The following GNG7 variants were observed in gnomAD, a reference collection of about 807,000 sequenced individuals.
The protein encoded by GNG7 is G protein subunit gamma 7.
A neutral mutation model predicts 4.0 loss-of-function variants in GNG7; 1 was observed. That is an observed-to-expected ratio of 0.25 (90% CI 0.09 to 1.18). GNG7 has a LOEUF of 1.18. Ranked by LOEUF, GNG7 falls within the 50% of genes most tolerant of loss-of-function variation. GNG7 has a pLI of 0.50. For missense variants in GNG7, 86 were observed against 91.9 expected (o/e 0.94, Z 0.26); for synonymous variants, 34 against 36.9 (o/e 0.92, Z 0.29).
Position 2,511,726 on chromosome 19 carries a change from A to G in GNG7, c.*3296T>C, listed in dbSNP as rs1451367496. ...CTCGGACACGGTGGCCGGCCCGTCA[A>G]AGGGACCACGCAGAAGGAGGGAAAC... On this transcript the variant is annotated 3_prime_UTR_variant, in exon 5 of 5. Coordinates refer to ENST00000382159, the MANE Select transcript of GNG7 (RefSeq NM_052847.3). The surrounding 1 kb of genome is among the most constrained non-coding windows in gnomAD (Gnocchi z 6.3). 1 of 883,464 alleles carries G rather than the reference A, an allele frequency of 1.1e-6. No homozygotes were observed. Among genetic ancestry groups the G allele is most frequent in the East Asian group, 1.2e-4 (1 of 8,310 alleles). The allele number at this position is 883,464 out of a possible 1,614,324, so 54.7% of individuals were successfully genotyped here. A position where few individuals can be genotyped will look rare whatever the true frequency, so the allele number is the denominator to read the frequency against.
At chr19:2,659,546 C>T (rs1233558489) in intron 1 of GNG7, among the ~76,000 whole-genome samples, 9 of 133,462 alleles carry the variant, frequency 6.7e-5, no homozygotes, top group South Asian at 5.0e-4. Context: ...GCTGAGATCA[C>T]GCCACTACAC....
intron 2 of GNG7, among the ~76,000 whole-genome samples, chr19:2,637,971 G>T (rs1982361265): frequency 6.6e-6 from 1 of 152,204 alleles, no homozygotes; most frequent in Non-Finnish European, 1.5e-5. Context: ...GGAGAGAGGA[G>T]ATGAATCCCA....
At chr19:2,682,742 T>C (rs1761182383) in intron 1 of GNG7, among the ~76,000 whole-genome samples, 1 of 146,702 alleles carries the variant, frequency 6.8e-6, no homozygotes, top group African/African-American at 2.5e-5. Flanking sequence ...CGGTGAAGTC[T>C]CCCACTCCAC....
chr19:2,524,175 C>T (rs1257907987), intron 3 of GNG7, among the ~76,000 whole-genome samples: 1 of 151,532 alleles, frequency 6.6e-6, no homozygotes, highest in African/African-American at 2.5e-5. Context: ...CCCTGGGCCC[C>T]TGCTGCCCTG....
At chr19:2,644,571 C>G (rs1297968562) in intron 2 of GNG7, among the ~76,000 whole-genome samples, 1 of 151,968 alleles carries the variant, frequency 6.6e-6, no homozygotes, top group Non-Finnish European at 1.5e-5. Context: ...ACCATCACCA[C>G]TAATTCCAGA....
At chr19:2,545,418 C>T (rs1042933110) in intron 3 of GNG7, among the ~76,000 whole-genome samples, 12 of 151,754 alleles carry the variant, frequency 7.9e-5, no homozygotes, top group African/African-American at 1.7e-4. Context: ...GAGACCGAGG[C>T]GGGCGGATCA....
At chr19:2,612,349 A>G (rs1981594378) in intron 2 of GNG7, among the ~76,000 whole-genome samples, 2 of 152,042 alleles carry the variant, frequency 1.3e-5, no homozygotes, top group Non-Finnish European at 2.9e-5. Context: ...GTCCCCAAAC[A>G]TCGCCCAGTG....
intron 1 of GNG7, among the ~76,000 whole-genome samples, chr19:2,688,069 G>A (rs984887217): frequency 1.3e-5 from 2 of 151,960 alleles, no homozygotes; most frequent in Admixed American, 6.6e-5. Flanking sequence ...TGGCTAACAC[G>A]GTGAAACCCC....
chr19:2,651,298 CTACCT>C lies in GNG7; in HGVS notation c.-134-5023_-134-5019del, dbSNP rs1332064855. Among the ~76,000 whole-genome samples the C allele has an allele frequency of 9.5e-4, 81 of 85,458 alleles. 1 individual carries two copies. Among genetic ancestry groups the C allele is most frequent in the African/African-American group, 4.1e-3 (76 of 18,470 alleles). The allele number at this position is 85,458 out of a possible 152,430, so 56.1% of individuals were successfully genotyped here. The stretch of plus-strand genomic sequence containing the variant: ...CCTCCCTCCCTCCATCCCTCCCTCC[CTACCT>C]TCCCTCCATCCCTCCCTCCCTCCCT... On this transcript the variant is annotated intron_variant, in intron 1 of 4. Transcript: ENST00000382159.
At chr19:2,625,023 C>A (rs1287158849) in intron 2 of GNG7, among the ~76,000 whole-genome samples, 1 of 152,218 alleles carries the variant, frequency 6.6e-6, no homozygotes, top group East Asian at 1.9e-4. Context: ...TCCCTGGGGG[C>A]TCGGGCCCTG....
chr19:2,594,449 G>GGAAGGAA (rs1348629276), intron 2 of GNG7, among the ~76,000 whole-genome samples: 6 of 119,976 alleles, frequency 5.0e-5, no homozygotes, highest in Non-Finnish European at 8.6e-5. Context: ...GAAGGAAGGA[G>GGAAGGAA]GAAGAAAGAA....
At chr19:2,561,188 C>T (rs985038996) in intron 2 of GNG7, among the ~76,000 whole-genome samples, 2 of 151,848 alleles carry the variant, frequency 1.3e-5, no homozygotes, top group Admixed American at 6.6e-5. Flanking sequence ...CTTGGGGGTC[C>T]GTGGAATCCC....
At position 2,699,701 on chromosome 19, in the gene GNG7, C is replaced by T. The variant is rs116290989; in HGVS notation, c.-135+2945G>A. ...GGAGACATCTGTGGTTGTCACAATG[C>T]GGGGAGCTCCTGGTGTGGAGTGGGT... On this transcript the variant is annotated intron_variant, in intron 1 of 4. Coordinates refer to ENST00000382159, the MANE Select transcript of GNG7 (RefSeq NM_052847.3). 3.0e-3 allele frequency among the ~76,000 whole-genome samples: 450 copies of T among 152,240 alleles called. 4 individuals are homozygous for T. The highest frequency in any genetic ancestry group is 0.01 in the African/African-American group (431 of 41,544).
chr19:2,647,166 G>A (rs78428181), intron 1 of GNG7, among the ~76,000 whole-genome samples: 3,261 of 152,306 alleles, frequency 0.021, 128 homozygotes, highest in African/African-American at 0.074. Flanking sequence ...TGCAAACACC[G>A]TGGTTTATAT....
intron 1 of GNG7, among the ~76,000 whole-genome samples, chr19:2,685,775 C>G (rs916605988): frequency 4.6e-5 from 7 of 152,184 alleles, no homozygotes; most frequent in Non-Finnish European, 8.8e-5. Flanking sequence ...GCCCGGTGTC[C>G]TCCTCCCGAG....
chr19:2,567,111 CAAA>C (rs375974742), intron 2 of GNG7, among the ~76,000 whole-genome samples: 3 of 113,006 alleles, frequency 2.7e-5, no homozygotes, highest in Non-Finnish European at 5.4e-5. Flanking sequence ...GACTCCGTCT[CAAA>C]AAAAAAAACA....
At chr19:2,560,040 C>T (rs766188446) in intron 2 of GNG7, among the ~76,000 whole-genome samples, 8 of 152,168 alleles carry the variant, frequency 5.3e-5, no homozygotes, top group South Asian at 2.1e-4. Context: ...GTAATGAGGG[C>T]GTGGTCCACC....
rs555476329 is a variant in GNG7, at chr19:2,563,573, G to A, written c.-77-8385C>T. Among the ~76,000 whole-genome samples, 11 of 151,992 alleles carry A rather than the reference G, an allele frequency of 7.2e-5. No individual in the cohort carries two copies. In the South Asian group the frequency reaches 1.0e-3, roughly 14 times the overall value. On this transcript the variant is annotated intron_variant, in intron 2 of 4. Coordinates refer to ENST00000382159, the MANE Select transcript of GNG7 (RefSeq NM_052847.3). ...TGGCTCACTGCAACCTCTGACTCCC[G>A]GGTTCAAGTGATTCTCCTGCCTCAG...
chr19:2,574,187 C>A (rs1428050186), intron 2 of GNG7, among the ~76,000 whole-genome samples: 1 of 152,246 alleles, frequency 6.6e-6, no homozygotes, highest in Admixed American at 6.5e-5. Context: ...GACATCACGC[C>A]TTCAAACTCA....
Sources: allele counts gnomAD v4.1 joint callset (sites outside exome capture counted in the v4.1 genomes callset), GRCh38; gene constraint gnomAD v4.1.1; non-coding constraint Gnocchi (gnomAD v3.1); transcripts MANE v1.5; gene names NCBI Gene and HGNC (gene_info 2026-07-23, HGNC 2026-07-21).